The following MACROD2 variants were observed in gnomAD, a reference collection of about 807,000 sequenced individuals.
The protein encoded by MACROD2 is mono-ADP ribosylhydrolase 2.
A neutral mutation model predicts 70.4 loss-of-function variants in MACROD2; 36 were observed. The observed-to-expected ratio is 0.51, with a 90% CI of 0.39 to 0.68. MACROD2 has a LOEUF of 0.68. MACROD2 is among the 30% of genes least tolerant of loss of function. The pLI, the probability that MACROD2 is intolerant of heterozygous loss-of-function variation, is 0.00. For synonymous variants in MACROD2, 172 were observed against 178.8 expected, an observed-to-expected ratio of 0.96 and a Z score of 0.30; for missense variants, 496 against 538.4, an observed-to-expected ratio of 0.92 and a Z score of 0.78.
In MACROD2 at chr20:14,459,488, T is replaced by C. The variant is rs1285627251; in HGVS notation, c.272-33991T>C. 3.9e-5 allele frequency among the ~76,000 whole-genome samples: 6 copies of C among 151,982 alleles called. No individual in the cohort carries two copies. In the East Asian group the frequency reaches 1.2e-3, roughly 29 times the overall value. ...TATATAAATATACATGTAAATATTA[T>C]GGCATATAAACAGATTTATATATGT... is the stretch of plus-strand genomic sequence containing the variant. On this transcript the variant is annotated intron_variant, in intron 3 of 17. Transcript: ENST00000684519.
At chr20:14,240,185 A>G (rs1320199061) in intron 3 of MACROD2, among the ~76,000 whole-genome samples, 2 of 152,180 alleles carry the variant, frequency 1.3e-5, no homozygotes, top group Non-Finnish European at 2.9e-5. Flanking sequence ...AGTCAAAAAA[A>G]TAACACATGC....
At chr20:14,393,616 A>C (rs1291710709) in intron 3 of MACROD2, among the ~76,000 whole-genome samples, 1 of 152,120 alleles carries the variant, frequency 6.6e-6, no homozygotes, top group Non-Finnish European at 1.5e-5. Context: ...CTCTCCCACC[A>C]ACACAGAAGT....
rs142899395 is a variant in MACROD2, at chr20:14,277,714, T to TGA, written c.271+192001_271+192002dup. ...TGTACTCTTAAAAAAAAAGAGAGAG[T>TGA]GAGAGAGAGAGAGAGAAAAGAAATA... On this transcript the variant is annotated intron_variant, in intron 3 of 17. Transcript: ENST00000684519. 3.7e-3 allele frequency among the ~76,000 whole-genome samples: 537 copies of TGA among 144,352 alleles called. 6 individuals are homozygous for TGA. Among genetic ancestry groups the TGA allele is most frequent in the African/African-American group, 0.013 (509 of 39,222 alleles). 94.7% of individuals were successfully genotyped at this position (144,352 alleles called of 152,430 possible).
chr20:15,411,700 G>C (rs925597227), intron 6 of MACROD2, among the ~76,000 whole-genome samples: 2 of 152,198 alleles, frequency 1.3e-5, no homozygotes, highest in Non-Finnish European at 2.9e-5. Flanking sequence ...TTTGGCTACA[G>C]TTGAGTTTTA....
At chr20:14,575,391 T>A (rs1330395994) in intron 4 of MACROD2, among the ~76,000 whole-genome samples, 1 of 152,162 alleles carries the variant, frequency 6.6e-6, no homozygotes, top group Non-Finnish European at 1.5e-5. Context: ...CTATCACACA[T>A]CCCGTAACCT....
At chr20:16,025,438 A>G (rs2067064333) in intron 15 of MACROD2, among the ~76,000 whole-genome samples, 1 of 152,242 alleles carries the variant, frequency 6.6e-6, no homozygotes, top group South Asian at 2.1e-4. Context: ...GTACCTGGAG[A>G]TAACAGCAGT....
At chr20:15,056,184 G>A (rs1312846363) in intron 5 of MACROD2, among the ~76,000 whole-genome samples, 2 of 152,144 alleles carry the variant, frequency 1.3e-5, no homozygotes, top group Non-Finnish European at 2.9e-5. Context: ...TTTATGGCCA[G>A]GTAAAACACA....
intron 2 of MACROD2, among the ~76,000 whole-genome samples, chr20:14,046,401 G>T (rs955238658): frequency 2.4e-4 from 36 of 152,178 alleles, no homozygotes; most frequent in Admixed American, 3.9e-4. Flanking sequence ...AAATCTGACA[G>T]TATTGTGTTG....
chr20:15,265,468 T>C (rs151219050), intron 6 of MACROD2, among the ~76,000 whole-genome samples: 104 of 152,342 alleles, frequency 6.8e-4, no homozygotes, highest in Non-Finnish European at 1.3e-3. Context: ...TGAGCTGCCC[T>C]TTCTTGGCAA....
chr20:14,274,431 G>T (rs1310590320), intron 3 of MACROD2, among the ~76,000 whole-genome samples: 2 of 152,120 alleles, frequency 1.3e-5, no homozygotes, highest in Non-Finnish European at 2.9e-5. Flanking sequence ...AAAGGCCTTT[G>T]ACAAAATTCA....
chr20:14,368,058 C>A (rs142918282), intron 3 of MACROD2, among the ~76,000 whole-genome samples: 100 of 152,206 alleles, frequency 6.6e-4, no homozygotes, highest in Non-Finnish European at 1.4e-3. Context: ...ATTTCTTTAT[C>A]TTTACTGATA....
intron 3 of MACROD2, among the ~76,000 whole-genome samples, chr20:14,473,658 G>A (rs1194955087): frequency 6.6e-6 from 1 of 152,140 alleles, no homozygotes; most frequent in Non-Finnish European, 1.5e-5. Flanking sequence ...TCTTTGGATA[G>A]ATACCTAGAA....
intron 6 of MACROD2, among the ~76,000 whole-genome samples, chr20:15,239,852 A>G (rs1405375483): frequency 6.6e-6 from 1 of 152,198 alleles, no homozygotes; most frequent in Non-Finnish European, 1.5e-5. Context: ...TGCTCTCTTT[A>G]CCATCTCTAC....
At chr20:15,716,263 A>T (rs1238079373) in intron 8 of MACROD2, among the ~76,000 whole-genome samples, 3 of 152,156 alleles carry the variant, frequency 2.0e-5, no homozygotes, top group Admixed American at 1.3e-4. Context: ...TTGTTTTGCA[A>T]ACTGTTAGAG....
chr20:14,525,752 A>G (rs2085223728), intron 4 of MACROD2, among the ~76,000 whole-genome samples: 1 of 152,272 alleles, frequency 6.6e-6, no homozygotes, highest in Non-Finnish European at 1.5e-5. Flanking sequence ...GTTGGATGCT[A>G]AAGCACTTAA....
intron 6 of MACROD2, among the ~76,000 whole-genome samples, chr20:15,375,879 CT>C (rs2045555703): frequency 6.6e-6 from 1 of 152,124 alleles, no homozygotes; most frequent in Non-Finnish European, 1.5e-5. Context: ...GGTTATCCAG[CT>C]AATCACTATT....
At chr20:14,895,359 G>A (rs973669294) in intron 5 of MACROD2, 1 of 152,124 alleles carries the variant, frequency 6.6e-6, no homozygotes, top group African/African-American at 2.4e-5. Flanking sequence ...AATTCTAGTA[G>A]AGCAGGAGTA....
At chr20:14,663,826 A>G (rs2070706000) in intron 4 of MACROD2, among the ~76,000 whole-genome samples, 1 of 152,100 alleles carries the variant, frequency 6.6e-6, no homozygotes, top group African/African-American at 2.4e-5. Flanking sequence ...AACTATTTGT[A>G]CAAACTCTTG....
chr20:15,274,497 A>G (rs1366390672), intron 6 of MACROD2, among the ~76,000 whole-genome samples: 1 of 152,184 alleles, frequency 6.6e-6, no homozygotes, highest in Non-Finnish European at 1.5e-5. Context: ...TTCACCTCAC[A>G]TCTATTTCAT....
Sources: gnomAD v4.1 joint callset for allele counts (sites outside exome capture counted in the v4.1 genomes callset) on GRCh38, gnomAD v4.1.1 for gene constraint, MANE v1.5 for transcripts, NCBI Gene and HGNC (gene_info 2026-07-23, HGNC 2026-07-21) for gene names.